Variants in SUPT3H observed in about 807,000 individuals in gnomAD.
SUPT3H encodes transcription initiation protein SPT3 homolog.
In SUPT3H, 44 loss-of-function variants were observed where a neutral mutation model predicts 44.3. That is an observed-to-expected ratio of 0.99 (90% CI 0.78 to 1.28). The LOEUF (loss-of-function observed/expected upper bound fraction) is 1.28. Among genes scored for constraint, SUPT3H ranks in the 50% most tolerant of loss-of-function variants. The pLI is 0.00. For synonymous variants in SUPT3H, 124 were observed against 125.6 expected (o/e 0.99, Z 0.09); for missense variants, 380 against 387.1 (o/e 0.98, Z 0.15).
intron 10 of SUPT3H, among the ~76,000 whole-genome samples, chr6:44,915,888 C>A (rs1234311070): frequency 1.3e-5 from 2 of 152,118 alleles, no homozygotes; most frequent in Non-Finnish European, 2.9e-5. Flanking sequence ...AAGCTGCACC[C>A]CAACCACCTT....
At chr6:45,187,766 T>C (rs555062076) in intron 2 of SUPT3H, among the ~76,000 whole-genome samples, 2 of 151,982 alleles carry the variant, frequency 1.3e-5, no homozygotes, top group East Asian at 3.9e-4. Context: ...AAACAGAAAA[T>C]AACAGACCAA....
At chr6:45,108,342 G>A (rs1438402271) in intron 2 of SUPT3H, among the ~76,000 whole-genome samples, 1 of 152,182 alleles carries the variant, frequency 6.6e-6, no homozygotes, top group East Asian at 1.9e-4. Flanking sequence ...GCCAGGCATG[G>A]CGGCATGCAC....
At chr6:45,367,436 C>G (rs553032027) in intron 1 of SUPT3H, among the ~76,000 whole-genome samples, 127 of 151,464 alleles carry the variant, frequency 8.4e-4, no homozygotes, top group Admixed American at 3.5e-3. Flanking sequence ...GGAAAAGAAA[C>G]ATAACCATTT....
intron 10 of SUPT3H, among the ~76,000 whole-genome samples, chr6:44,870,234 T>G (rs1262679103): frequency 1.3e-5 from 2 of 152,162 alleles, no homozygotes; most frequent in Non-Finnish European, 2.9e-5. Context: ...TCAATTAACA[T>G]GTATACAGAG....
intron 2 of SUPT3H, among the ~76,000 whole-genome samples, chr6:45,220,114 C>T (rs1039039274): frequency 6.9e-6 from 1 of 145,688 alleles, no homozygotes. Flanking sequence ...TGAGAAAATG[C>T]TTCCCATTTT....
intron 10 of SUPT3H, among the ~76,000 whole-genome samples, chr6:44,930,564 C>CAA (rs3857588): frequency 1.5e-5 from 1 of 65,096 alleles, no homozygotes; most frequent in Non-Finnish European, 2.8e-5. Context: ...GACTCCGTCT[C>CAA]AAAAAAAAAA....
At chr6:45,168,515 A>G (rs917044724) in intron 2 of SUPT3H, among the ~76,000 whole-genome samples, 2 of 152,186 alleles carry the variant, frequency 1.3e-5, no homozygotes, top group Admixed American at 1.3e-4. Flanking sequence ...GCTATGTCAC[A>G]GGTACATCCT....
intron 2 of SUPT3H, among the ~76,000 whole-genome samples, chr6:45,248,233 G>A (rs1771725434): frequency 1.3e-5 from 2 of 150,914 alleles, no homozygotes; most frequent in South Asian, 2.1e-4. Flanking sequence ...AAGAAAAAAT[G>A]ACCAATTGAA....
chr6:44,900,457 C>A (rs891896397), intron 10 of SUPT3H, among the ~76,000 whole-genome samples: 1 of 152,344 alleles, frequency 6.6e-6, no homozygotes, highest in East Asian at 1.9e-4. Context: ...AACCGCAAGG[C>A]GGCAGCAAGG....
At chr6:45,216,355 A>G (rs1259320944) in intron 2 of SUPT3H, among the ~76,000 whole-genome samples, 1 of 152,164 alleles carries the variant, frequency 6.6e-6, no homozygotes, top group Admixed American at 6.5e-5. Flanking sequence ...AAAGAAACCC[A>G]CGAAACTGTA....
At chr6:44,812,413 C>A (rs1338298324) in intron 11 of SUPT3H, among the ~76,000 whole-genome samples, 1 of 152,170 alleles carries the variant, frequency 6.6e-6, no homozygotes, top group East Asian at 1.9e-4. Flanking sequence ...AACATCAAGT[C>A]ATTTTCATGT....
At chr6:45,292,699 A>G (rs867677332) in intron 2 of SUPT3H, among the ~76,000 whole-genome samples, 17 of 146,896 alleles carry the variant, frequency 1.2e-4, no homozygotes, top group Middle Eastern at 3.5e-3. Flanking sequence ...TATACCAGAC[A>G]AAAGAAACTT....
chr6:45,322,928 G>C, intron 2 of SUPT3H: 1 of 1,612,740 alleles, frequency 6.2e-7, no homozygotes. Context: ...AGTCCATGGA[G>C]AAAAGCCACA....
At chr6:45,184,068 A>G (rs1223614405) in intron 2 of SUPT3H, among the ~76,000 whole-genome samples, 1 of 151,848 alleles carries the variant, frequency 6.6e-6, no homozygotes, top group Non-Finnish European at 1.5e-5. Context: ...ATCAGTTTTA[A>G]CAAACACATC....
At chr6:45,040,126 T>C (rs142712377) in intron 3 of SUPT3H, among the ~76,000 whole-genome samples, 37 of 152,288 alleles carry the variant, frequency 2.4e-4, no homozygotes, top group Middle Eastern at 3.4e-3. Flanking sequence ...TTTTAGGCCA[T>C]ATGCTGTTTC....
chr6:44,920,258 T>A (rs1768471247), intron 10 of SUPT3H, among the ~76,000 whole-genome samples: 2 of 152,116 alleles, frequency 1.3e-5, no homozygotes, highest in African/African-American at 4.8e-5. Flanking sequence ...AGCTCCTTAA[T>A]GACTATGTCT....
rs78552485 is a variant in SUPT3H at position 45,072,898 on chromosome 6, A to G, written c.186+33024T>C. Among the ~76,000 whole-genome samples, 809 of 152,118 alleles carry G rather than the reference A, an allele frequency of 5.3e-3. 8 individuals carry two copies. The highest frequency in any genetic ancestry group is 0.018 in the African/African-American group (754 of 41,542). On this transcript the variant is annotated intron_variant, in intron 3 of 10. Coordinates refer to ENST00000371459, the MANE Select transcript of SUPT3H (RefSeq NM_003599.4). ...GAACTCAGGAAATAACAGCTGTGTC[A>G]CCACAAATCCAAACATCAGAAAGTT...
At chr6:45,351,804 T>C (rs1372634497) in intron 2 of SUPT3H, among the ~76,000 whole-genome samples, 1 of 152,158 alleles carries the variant, frequency 6.6e-6, no homozygotes, top group Admixed American at 6.6e-5. Context: ...AATACCTAAA[T>C]TAACCCAATT....
intron 6 of SUPT3H, among the ~76,000 whole-genome samples, chr6:44,963,412 C>G (rs1353856045): frequency 6.6e-6 from 1 of 152,136 alleles, no homozygotes; most frequent in Admixed American, 6.5e-5. Flanking sequence ...ATTGCTTGAA[C>G]CTGGGAGGTG....
Sources: gnomAD v4.1 joint callset for allele counts (sites outside exome capture counted in the v4.1 genomes callset) on GRCh38, gnomAD v4.1.1 for gene constraint, MANE v1.5 for transcripts, NCBI Gene and HGNC (gene_info 2026-07-23, HGNC 2026-07-21) for gene names.